Variants in NHSL2 observed in about 807,000 individuals in gnomAD.
The protein encoded by NHSL2 is NHS like 2, also known as NHS-like protein 2.
NHSL2 carries 27 observed loss-of-function variants against 53.4 expected under a neutral mutation model. That is an observed-to-expected ratio of 0.51 (90% CI 0.37 to 0.70). The LOEUF is 0.70. NHSL2 is among the 30% of genes least tolerant of loss of function. NHSL2 has a pLI of 0.00. For missense variants in NHSL2, 892 were observed against 980.1 expected (o/e 0.91, Z 1.20); for synonymous variants, 408 against 404.1 (o/e 1.01, Z -0.12).
chrX:72,025,638 C>T (rs2042181800), intron 1 of NHSL2, among the ~76,000 whole-genome samples: 1 of 112,444 alleles, frequency 8.9e-6, no homozygotes, highest in Admixed American at 9.4e-5. Context: ...AATGGAGTTC[C>T]CTCAAAAACA....
At chrX:71,927,149 C>T (rs1422847983) in intron 1 of NHSL2, among the ~76,000 whole-genome samples, 1 of 112,306 alleles carries the variant, frequency 8.9e-6, no homozygotes, top group Non-Finnish European at 1.9e-5. Context: ...CCTTCTCTCA[C>T]TAAGCAGTTT....
rs1362237968 is a variant in NHSL2 at position 71,979,042 on chromosome X, G to A, written c.280+67675G>A. 3.7e-5 allele frequency among the ~76,000 whole-genome samples: 4 copies of A among 108,622 alleles called. No individual in the cohort carries two copies. In the East Asian group the frequency reaches 1.2e-3, roughly 31 times the overall value. 94.3% of individuals were successfully genotyped at this position (108,622 alleles called of 115,157 possible). A position where few individuals can be genotyped will look rare whatever the true frequency, so the allele number is the denominator to read the frequency against. ...TTTTTTGTCCTTGCGATAGTTTGCTGAGAATGATGGTTTCCAGCTTCATCC... is the reference window on the plus strand; with the variant it reads ...TTTTTTGTCCTTGCGATAGTTTGCTAAGAATGATGGTTTCCAGCTTCATCC... On this transcript the variant is annotated intron_variant, in intron 1 of 7. Transcript: ENST00000633930.
At position 72,140,313 on chromosome X, in the gene NHSL2, C is replaced by T. The variant is rs752726540; in HGVS notation, c.2765C>T (p.Thr922Met). ...AGACCACTCCCTCAAGACAGCTACA[C>T]GGTAGTGCGGAAACCAAAGCCCTCC... is the stretch of plus-strand genomic sequence containing the variant. ...HARPLPQDSYTVVRKPKPSSF... is the reference protein window; with the variant it reads ...HARPLPQDSYMVVRKPKPSSF... Residue 922 changes from threonine (T) to methionine (M), a missense_variant, in exon 6 of 8, where the codon ACG becomes ATG. By Grantham distance (81) the Thr-to-Met change is moderately conservative (BLOSUM62 -1). Coordinates refer to ENST00000633930, the MANE Select transcript of NHSL2 (RefSeq NM_001013627.3). The T allele has an allele frequency of 1.5e-5, 18 of 1,208,802 alleles. No homozygotes were observed. The highest frequency in any genetic ancestry group is 8.9e-5 in the East Asian group (3 of 33,755).
chrX:71,938,301 C>T (rs1379063798), intron 1 of NHSL2, among the ~76,000 whole-genome samples: 1 of 111,994 alleles, frequency 8.9e-6, no homozygotes. Flanking sequence ...CATTATGCAC[C>T]GATTTTCCAG....
At chrX:71,973,990 C>T (rs149602046) in intron 1 of NHSL2, among the ~76,000 whole-genome samples, 40 of 112,067 alleles carry the variant, frequency 3.6e-4, no homozygotes, top group Non-Finnish European at 7.0e-4. Flanking sequence ...AGAACTGGAG[C>T]AGGTCATGGC....
chrX:72,084,066 C>T (rs765814191), intron 1 of NHSL2, among the ~76,000 whole-genome samples: 2 of 112,497 alleles, frequency 1.8e-5, no homozygotes, highest in East Asian at 5.5e-4. Context: ...AGCCTTCCTT[C>T]AAATCCCCCA....
intron 1 of NHSL2, among the ~76,000 whole-genome samples, chrX:71,938,396 G>A (rs1238752328): frequency 8.9e-6 from 1 of 111,971 alleles, no homozygotes; most frequent in Non-Finnish European, 1.9e-5. Context: ...AAGGACACAG[G>A]GCATTTGACC....
chrX:71,932,481 G>C (rs747842563), intron 1 of NHSL2, among the ~76,000 whole-genome samples: 161 of 111,213 alleles, frequency 1.4e-3, no homozygotes, highest in African/African-American at 5.1e-3. Context: ...GGACTGGAGA[G>C]GGGTGTGCAA....
At chrX:72,116,165 T>C (rs1248540002) in intron 1 of NHSL2, among the ~76,000 whole-genome samples, 1 of 111,915 alleles carries the variant, frequency 8.9e-6, no homozygotes, top group Non-Finnish European at 1.9e-5. Context: ...ACCTGCTTCA[T>C]AGGGCTGTCA....
At chrX:72,129,941 G>C in intron 1 of NHSL2, 1 of 1,211,318 alleles carries the variant, frequency 8.3e-7, no homozygotes. Flanking sequence ...CGACCTGTGC[G>C]GCGAATCAGT....
intron 5 of NHSL2, 76 bp from the exon 6 acceptor site, chrX:72,138,365 T>C: frequency 1.2e-6 from 1 of 845,874 alleles, no homozygotes; most frequent in Non-Finnish European, 1.6e-6. Flanking sequence ...TGGCAAAAAG[T>C]TGGTGCTCCT....
At chrX:72,078,602 C>G (rs762880041) in intron 1 of NHSL2, among the ~76,000 whole-genome samples, 3 of 111,833 alleles carry the variant, frequency 2.7e-5, no homozygotes, top group Non-Finnish European at 5.6e-5. Context: ...TCCCATTTCC[C>G]TCCTTAACCT....
In NHSL2 at chrX:72,138,750, C is replaced by G. The variant is rs745374681; in HGVS notation, c.1202C>G (p.Thr401Ser). Residue 401 changes from threonine to serine, a missense_variant, in exon 6 of 8, where the codon ACT becomes AGT. Transcript: ENST00000633930. ...AAGGGAGATGCTTTTACCTACATGA[C>G]TCCAAGTGCCACCAGCCAGAGCAAT... is the stretch of plus-strand genomic sequence containing the variant. ...SWKGDAFTYM[T>S]PSATSQSNQV... is the part of the protein sequence containing the mutation. The G allele has an allele frequency of 8.3e-7, 1 of 1,207,875 alleles. No homozygotes were observed. The highest frequency in any genetic ancestry group is 1.7e-5 in the African/African-American group (1 of 57,243).
At chrX:72,128,088 G>A (rs1007510867) in intron 1 of NHSL2, 1 of 111,715 alleles carries the variant, frequency 9.0e-6, no homozygotes, top group Non-Finnish European at 1.9e-5. Flanking sequence ...TTAAAAGGTA[G>A]CAACAGGTTA....
chrX:72,145,570 A>T lies in NHSL2; in HGVS notation c.*1996A>T, dbSNP rs948036030. 8.9e-6 allele frequency: 1 copy of T among 112,789 alleles called. No homozygotes were observed. Among genetic ancestry groups the T allele is most frequent in the Non-Finnish European group, 1.9e-5 (1 of 53,378 alleles). The allele number at this position is 112,789 out of a possible 1,213,427, so 9.3% of individuals were successfully genotyped here. On this transcript the variant is annotated 3_prime_UTR_variant, in exon 8 of 8. Transcript: ENST00000633930. ...ATTCATCCCTGGCCTCAGTTTATAT[A>T]TGAATGCCACATTTGTCTGCTCCAG...
At position 71,936,388 on chromosome X, in the gene NHSL2, TC is replaced by T. The variant is rs59371220; in HGVS notation, c.280+25024del. 2.8e-3 allele frequency among the ~76,000 whole-genome samples: 314 copies of T among 112,243 alleles called. 2 individuals are homozygous for T. The highest frequency in any genetic ancestry group is 9.7e-3 in the African/African-American group (301 of 30,888). ...AGCTCTCTGAATCTCTAGGCATGTT[TC>T]CCATCCAGAAATTTAGGCAGTGGGT... On this transcript the variant is annotated intron_variant, in intron 1 of 7. Transcript: ENST00000633930.
intron 1 of NHSL2, chrX:72,131,022 G>A: frequency 1.7e-6 from 2 of 1,211,213 alleles, no homozygotes; most frequent in East Asian, 5.9e-5. Flanking sequence ...GGTCGGCTAT[G>A]AAGGTCTCTA....
intron 1 of NHSL2, among the ~76,000 whole-genome samples, chrX:71,989,913 G>A (rs1440714065): frequency 8.9e-6 from 1 of 112,535 alleles, no homozygotes; most frequent in African/African-American, 3.2e-5. Context: ...GAAGTCCCAC[G>A]TGGTCCCTGA....
intron 1 of NHSL2, chrX:72,079,953 C>A (rs186323986): frequency 8.9e-6 from 1 of 112,712 alleles, no homozygotes; most frequent in African/African-American, 3.2e-5. Context: ...TGGAGTGCAG[C>A]GGGGTGGAGA....
Sources: gnomAD v4.1 joint callset for allele counts (sites outside exome capture counted in the v4.1 genomes callset) on GRCh38, gnomAD v4.1.1 for gene constraint, MANE v1.5 for transcripts, NCBI Gene and HGNC (gene_info 2026-07-23, HGNC 2026-07-21) for gene names.